Variants in TMEM135 observed in about 807,000 individuals in gnomAD.
The protein encoded by TMEM135 is transmembrane protein 135.
In TMEM135, 30 loss-of-function variants were observed where a neutral mutation model predicts 60.3. The ratio of observed to expected loss-of-function variants is 0.50; its 90% confidence interval spans 0.37 to 0.68. The LOEUF (loss-of-function observed/expected upper bound fraction) is 0.68, where lower values mean the gene tolerates loss of function less well. Among genes scored for constraint, TMEM135 ranks in the 30% least tolerant of loss-of-function variants. The pLI is 0.00. For missense variants in TMEM135, 468 were observed against 548.8 expected, an observed-to-expected ratio of 0.85 and a Z score of 1.47; for synonymous variants, 190 against 186.7, an observed-to-expected ratio of 1.02 and a Z score of -0.14.
At chr11:87,297,295 T>C (rs1942363539) in intron 7 of TMEM135, among the ~76,000 whole-genome samples, 1 of 152,156 alleles carries the variant, frequency 6.6e-6, no homozygotes, top group South Asian at 2.1e-4. Flanking sequence ...GAAAATCACA[T>C]GGCATGCAAG....
intron 1 of TMEM135, among the ~76,000 whole-genome samples, chr11:87,044,782 C>G (rs542214658): frequency 1.7e-4 from 26 of 151,878 alleles, no homozygotes; most frequent in Non-Finnish European, 3.4e-4. Context: ...TGCCGAGTAG[C>G]TGGGACTACA....
intron 3 of TMEM135, among the ~76,000 whole-genome samples, chr11:87,081,034 A>G (rs1335844301): frequency 6.6e-6 from 1 of 151,558 alleles, no homozygotes; most frequent in Non-Finnish European, 1.5e-5. Context: ...TCATATTTAC[A>G]GTTTGCAGAG....
At chr11:87,047,390 T>C (rs1274451578) in intron 1 of TMEM135, among the ~76,000 whole-genome samples, 1 of 151,532 alleles carries the variant, frequency 6.6e-6, no homozygotes. Flanking sequence ...ATTTCTGCAT[T>C]TCCATCTGAG....
At chr11:87,284,968 A>C (rs1404764723) in intron 6 of TMEM135, among the ~76,000 whole-genome samples, 2 of 152,358 alleles carry the variant, frequency 1.3e-5, no homozygotes, top group African/African-American at 4.8e-5. Flanking sequence ...AAGCCATGTA[A>C]TCTATTAACC....
chr11:87,291,987 C>G (rs760403867), intron 6 of TMEM135, among the ~76,000 whole-genome samples: 1 of 152,134 alleles, frequency 6.6e-6, no homozygotes, highest in Non-Finnish European at 1.5e-5. Flanking sequence ...CATTTCCTAC[C>G]GCTACTTCCC....
In TMEM135 at chr11:87,064,681, G is replaced by A. The variant is rs568098963; in HGVS notation, c.142-3013G>A. Among the ~76,000 whole-genome samples, 3 of 152,278 alleles carry A rather than the reference G, an allele frequency of 2.0e-5. No homozygotes were observed. In the South Asian group the frequency reaches 6.2e-4, roughly 32 times the overall value. The stretch of plus-strand genomic sequence containing the variant: ...GCGGATCGCCTGAGATCAGGAGTTC[G>A]AGACCAGCCTGACCAACATGGCGAA... On this transcript the variant is annotated intron_variant, in intron 1 of 14. Coordinates refer to ENST00000305494, the MANE Select transcript of TMEM135 (RefSeq NM_022918.4).
chr11:87,270,165 G>A (rs1272187227), intron 6 of TMEM135, among the ~76,000 whole-genome samples: 14 of 148,838 alleles, frequency 9.4e-5, no homozygotes, highest in South Asian at 4.3e-4. Flanking sequence ...GTCTGTTCAT[G>A]TCCTTTGCCC....
rs540549346 is a variant in TMEM135, at chr11:87,233,427, A to G, written c.463-3211A>G. Among the ~76,000 whole-genome samples, 5 of 152,224 alleles carry G rather than the reference A, an allele frequency of 3.3e-5. No individual in the cohort carries two copies. The East Asian group carries it at 9.7e-4, about 29-fold the overall frequency. The stretch of plus-strand genomic sequence containing the variant: ...AATCAGTTAAAACTACAAGAGAGCT[A>G]ACATCAAGCCAAAGAAAGGTGGAAT... On this transcript the variant is annotated intron_variant, in intron 5 of 14. Coordinates refer to ENST00000305494, the MANE Select transcript of TMEM135 (RefSeq NM_022918.4).
chr11:87,096,368 C>A (rs1463571583), intron 4 of TMEM135: 1 of 158,640 alleles, frequency 6.3e-6, no homozygotes, highest in Non-Finnish European at 1.4e-5. Flanking sequence ...CCCTCCCACC[C>A]AGTTATACCT....
chr11:87,214,979 G>C (rs963669758), intron 5 of TMEM135, among the ~76,000 whole-genome samples: 1 of 152,026 alleles, frequency 6.6e-6, no homozygotes, highest in African/African-American at 2.4e-5. Context: ...TGTATTGAAT[G>C]TTTAAGATCA....
intron 4 of TMEM135, among the ~76,000 whole-genome samples, chr11:87,149,012 C>T (rs961430557): frequency 6.6e-6 from 1 of 151,284 alleles, no homozygotes; most frequent in Non-Finnish European, 1.5e-5. Context: ...TCTAACTTAG[C>T]ACCAAATCCC....
chr11:87,327,608 G>A lies in TMEM135; in HGVS notation c.*6275G>A. On this transcript the variant is annotated 3_prime_UTR_variant, in exon 15 of 15. Coordinates refer to ENST00000305494, the MANE Select transcript of TMEM135 (RefSeq NM_022918.4). ...ATTAAGGGAGTTGGCTCATGTGATT[G>A]TGGAGGCTGAGAAACCCCACCACAG... 2.2e-6 allele frequency: 1 copy of A among 453,268 alleles called. No individual in the cohort carries two copies. The highest frequency in any genetic ancestry group is 1.6e-5 in the South Asian group (1 of 64,426). The allele number at this position is 453,268 out of a possible 1,614,324, so 28.1% of individuals were successfully genotyped here.
intron 6 of TMEM135, among the ~76,000 whole-genome samples, chr11:87,262,912 T>G (rs1941678637): frequency 6.6e-6 from 1 of 152,144 alleles, no homozygotes; most frequent in Non-Finnish European, 1.5e-5. Flanking sequence ...TACCAAGGCG[T>G]TTTTTGTGAG....
At chr11:87,077,217 A>G (rs1856892059) in intron 3 of TMEM135, among the ~76,000 whole-genome samples, 1 of 152,380 alleles carries the variant, frequency 6.6e-6, no homozygotes, top group South Asian at 2.1e-4. Flanking sequence ...AGGAAGTTAT[A>G]TAAATGGAAT....
chr11:87,277,340 A>C, intron 6 of TMEM135: 1 of 356,764 alleles, frequency 2.8e-6, no homozygotes. Flanking sequence ...CATGTTAGCC[A>C]GGCTGGTCTT....
At chr11:87,038,571 G>A (rs1370516689) in intron 1 of TMEM135, among the ~76,000 whole-genome samples, 1 of 147,572 alleles carries the variant, frequency 6.8e-6, no homozygotes, top group African/African-American at 2.5e-5. Context: ...AGAAGGACCT[G>A]CAATCTTTCC....
chr11:87,179,789 ACT>A (rs1477537183), intron 5 of TMEM135, among the ~76,000 whole-genome samples: 1 of 152,132 alleles, frequency 6.6e-6, no homozygotes, highest in Non-Finnish European at 1.5e-5. Context: ...ATGGAGCAAG[ACT>A]CTGTCCCGTG....
chr11:87,097,832 G>C (rs1857365348), intron 4 of TMEM135, among the ~76,000 whole-genome samples: 1 of 152,162 alleles, frequency 6.6e-6, no homozygotes, highest in African/African-American at 2.4e-5. Context: ...TGTCACTGTT[G>C]TGAGGCCTTC....
intron 1 of TMEM135, among the ~76,000 whole-genome samples, chr11:87,047,159 T>C (rs1949803473): frequency 6.6e-6 from 1 of 152,192 alleles, no homozygotes; most frequent in Admixed American, 6.5e-5. Context: ...CCCCTTTGCT[T>C]TTCCACCTCG....
Sources: gnomAD v4.1 joint callset for allele counts (sites outside exome capture counted in the v4.1 genomes callset) on GRCh38, gnomAD v4.1.1 for gene constraint, MANE v1.5 for transcripts, NCBI Gene and HGNC (gene_info 2026-07-23, HGNC 2026-07-21) for gene names.